The following IQGAP2 variants were observed in gnomAD, a reference collection of about 807,000 sequenced individuals.
The protein encoded by IQGAP2 is IQ motif containing GTPase activating protein 2.
Under a neutral mutation model 201.3 loss-of-function variants are expected in IQGAP2, and 173 were observed. The ratio of observed to expected loss-of-function variants is 0.86; its 90% confidence interval spans 0.76 to 0.98. The LOEUF (loss-of-function observed/expected upper bound fraction) is 0.98, where lower values mean the gene tolerates loss of function less well. Ranked by LOEUF, IQGAP2 falls within the 50% of genes least tolerant of loss-of-function variation. IQGAP2 has a pLI of 0.00. For missense variants in IQGAP2, 1,687 were observed against 1,864.8 expected (o/e 0.90, Z 1.76); for synonymous variants, 675 against 673.9 (o/e 1.00, Z -0.03).
At chr5:76,480,402 TATC>T (rs1185249647) in intron 2 of IQGAP2, among the ~76,000 whole-genome samples, 2 of 152,072 alleles carry the variant, frequency 1.3e-5, no homozygotes, top group Non-Finnish European at 2.9e-5. Flanking sequence ...CTCCCTCAAT[TATC>T]ATTTTACTCC....
chr5:76,644,474 A>AT (rs1246854818), intron 17 of IQGAP2, among the ~76,000 whole-genome samples: 1 of 151,278 alleles, frequency 6.6e-6, no homozygotes, highest in Non-Finnish European at 1.5e-5. Flanking sequence ...TCATTTTGGT[A>AT]TTTTTTATAG....
intron 2 of IQGAP2, among the ~76,000 whole-genome samples, chr5:76,550,349 T>TC (rs1203960490): frequency 1.3e-5 from 2 of 151,484 alleles, no homozygotes; most frequent in Non-Finnish European, 2.9e-5. Context: ...TGGCAGAATT[T>TC]TTTTTTTTTT....
chr5:76,620,735 A>C (rs1310049233), intron 13 of IQGAP2, among the ~76,000 whole-genome samples: 1 of 152,142 alleles, frequency 6.6e-6, no homozygotes, highest in African/African-American at 2.4e-5. Context: ...CTTTAGGGGT[A>C]ATGACAGATT....
chr5:76,640,639 C>CA (rs1439794756), intron 16 of IQGAP2, among the ~76,000 whole-genome samples: 1 of 152,186 alleles, frequency 6.6e-6, no homozygotes, highest in Non-Finnish European at 1.5e-5. Context: ...CTGTGGAGCT[C>CA]AGGCCTCATG....
At chr5:76,419,937 T>A (rs940375931) in intron 1 of IQGAP2, among the ~76,000 whole-genome samples, 1 of 152,214 alleles carries the variant, frequency 6.6e-6, no homozygotes, top group Admixed American at 6.5e-5. Context: ...TTCCACACTA[T>A]GATTTCCCCT....
At chr5:76,465,670 C>T (rs1754733094) in intron 2 of IQGAP2, among the ~76,000 whole-genome samples, 1 of 152,076 alleles carries the variant, frequency 6.6e-6, no homozygotes, top group Non-Finnish European at 1.5e-5. Flanking sequence ...CTAAGAAAAC[C>T]CCACCACAAT....
chr5:76,689,337 A>T, intron 30 of IQGAP2, among the ~76,000 whole-genome samples: 1 of 151,616 alleles, frequency 6.6e-6, no homozygotes. Context: ...TCACTTATTA[A>T]CCATGGAACT....
intron 2 of IQGAP2, among the ~76,000 whole-genome samples, chr5:76,501,468 G>C (rs1757268985): frequency 6.6e-6 from 1 of 151,820 alleles, no homozygotes; most frequent in Non-Finnish European, 1.5e-5. Flanking sequence ...TTGAGAATCG[G>C]AACAGTATTG....
chr5:76,608,847 C>T (rs975396100), intron 12 of IQGAP2: 8 of 335,626 alleles, frequency 2.4e-5, no homozygotes, highest in Admixed American at 1.2e-4. Context: ...AGGTACAATT[C>T]TGTGTAGGTT....
rs1164518947 is a variant in IQGAP2 at position 76,707,538 on chromosome 5, C to G, written c.*225C>G. 6.2e-6 allele frequency: 3 copies of G among 482,166 alleles called. No individual in the cohort carries two copies. 29.9% of individuals were successfully genotyped at this position (482,166 alleles called of 1,614,324 possible). A position where few individuals can be genotyped will look rare whatever the true frequency, so the allele number is the denominator to read the frequency against. On this transcript the variant is annotated 3_prime_UTR_variant, in exon 36 of 36. Coordinates refer to ENST00000274364, the MANE Select transcript of IQGAP2 (RefSeq NM_006633.5). ...TTAATGGAAACATATCCACACTGTACTGTGATATAGGTACTCTGATTTAAA... is the reference window on the plus strand; with the variant it reads ...TTAATGGAAACATATCCACACTGTAGTGTGATATAGGTACTCTGATTTAAA...
intron 5 of IQGAP2, among the ~76,000 whole-genome samples, chr5:76,578,830 T>C (rs17680811): frequency 0.05 from 7,511 of 149,880 alleles, 557 homozygotes; most frequent in East Asian, 0.4. Context: ...TGTGGCTTCT[T>C]TTGGAATGTT....
At chr5:76,689,021 T>C (rs973013472) in intron 30 of IQGAP2, among the ~76,000 whole-genome samples, 2 of 151,132 alleles carry the variant, frequency 1.3e-5, no homozygotes, top group Non-Finnish European at 2.9e-5. Flanking sequence ...TTCTTAGGAA[T>C]CTTAGAATAA....
At chr5:76,502,584 T>C (rs1344961970) in intron 2 of IQGAP2, among the ~76,000 whole-genome samples, 1 of 152,210 alleles carries the variant, frequency 6.6e-6, no homozygotes, top group Non-Finnish European at 1.5e-5. Flanking sequence ...AATAGTGCTG[T>C]CATTGGTTTT....
chr5:76,677,182 T>C, intron 27 of IQGAP2, 36 bp from the exon 28 acceptor site: 1 of 1,594,814 alleles, frequency 6.3e-7, no homozygotes, highest in Middle Eastern at 1.7e-4. Context: ...ATGCACATGT[T>C]TGAGTCTGTC....
rs182596155 is a variant in IQGAP2, at chr5:76,706,162, T to C, written c.4615-1038T>C. ...TCCATACATAGTTATTTGTAAAGTA[T>C]ACATGCTTCTGCTATTGTACTCTAA... On this transcript the variant is annotated intron_variant, in intron 35 of 35. Transcript: ENST00000274364. Among the ~76,000 whole-genome samples, 15 of 152,324 alleles carry C rather than the reference T, an allele frequency of 9.8e-5. No individual in the cohort carries two copies. In the East Asian group the frequency reaches 2.5e-3, roughly 25 times the overall value.
At chr5:76,678,984 A>G (rs936736155) in intron 28 of IQGAP2, among the ~76,000 whole-genome samples, 26 of 152,186 alleles carry the variant, frequency 1.7e-4, no homozygotes, top group Admixed American at 1.4e-3. Context: ...TTCTCTATAT[A>G]TGAACACCCT....
chr5:76,644,854 T>A (rs1379665835), intron 17 of IQGAP2, among the ~76,000 whole-genome samples: 1 of 152,108 alleles, frequency 6.6e-6, no homozygotes, highest in Non-Finnish European at 1.5e-5. Flanking sequence ...AACAAAAAAA[T>A]TCTTTTATTA....
chr5:76,516,788 T>A (rs1482448632), intron 2 of IQGAP2, among the ~76,000 whole-genome samples: 2 of 152,272 alleles, frequency 1.3e-5, no homozygotes, highest in African/African-American at 4.8e-5. Context: ...TTGCAAGTTA[T>A]GTGCTTCACA....
At chr5:76,436,990 G>A (rs1343209128) in intron 1 of IQGAP2, among the ~76,000 whole-genome samples, 1 of 151,406 alleles carries the variant, frequency 6.6e-6, no homozygotes, top group Non-Finnish European at 1.5e-5. Context: ...ACATTTATTG[G>A]CTTATGTATG....
Sources: allele counts gnomAD v4.1 joint callset (sites outside exome capture counted in the v4.1 genomes callset), GRCh38; gene constraint gnomAD v4.1.1; transcripts MANE v1.5; gene names NCBI Gene and HGNC (gene_info 2026-07-23, HGNC 2026-07-21).